The following DSC3 variants were observed in gnomAD, a reference collection of about 807,000 sequenced individuals.
DSC3 encodes desmocollin 3.
Under a neutral mutation model 89.5 loss-of-function variants are expected in DSC3, and 97 were observed. That is an observed-to-expected ratio of 1.08 (90% CI 0.92 to 1.28). The LOEUF (loss-of-function observed/expected upper bound fraction) is 1.28. DSC3 is among the 50% of genes most tolerant of loss of function. The probability of loss-of-function intolerance (pLI) is 0.00; values close to 1 mark genes in which losing one functional copy is unlikely to be tolerated. For missense variants in DSC3, 1,199 were observed against 1,085.3 expected, an observed-to-expected ratio of 1.10 and a Z score of -1.47; for synonymous variants, 436 against 384.1, an observed-to-expected ratio of 1.14 and a Z score of -1.58.
At chr18:31,016,389 T>G (rs1985237890) in intron 9 of DSC3, among the ~76,000 whole-genome samples, 1 of 152,190 alleles carries the variant, frequency 6.6e-6, no homozygotes. Flanking sequence ...GCCCCAATTT[T>G]GGGATTTGCC....
intron 12 of DSC3, 61 bp from the exon 13 acceptor site, chr18:31,004,427 T>A: frequency 6.7e-7 from 1 of 1,485,222 alleles, no homozygotes; most frequent in Non-Finnish European, 9.2e-7. Context: ...TTAGCATTTG[T>A]TTCATCACGC....
intron 3 of DSC3, 149 bp downstream of exon 3, chr18:31,030,824 G>A: frequency 1.4e-6 from 1 of 732,742 alleles, no homozygotes; most frequent in East Asian, 2.7e-5. Context: ...AAGGAAAAGG[G>A]TAAGAAAATG....
chr18:31,019,750 C>T (rs11876584), intron 7 of DSC3, among the ~76,000 whole-genome samples: 2,395 of 112,396 alleles, frequency 0.021, 56 homozygotes, highest in African/African-American at 0.08. Flanking sequence ...ATGATCATGC[C>T]ACAGCATGCA....
intron 9 of DSC3, among the ~76,000 whole-genome samples, chr18:31,011,812 G>A (rs1985070461): frequency 6.6e-6 from 1 of 151,780 alleles, no homozygotes; most frequent in African/African-American, 2.4e-5. Flanking sequence ...GGGCAACACG[G>A]TGAAACCCCA....
rs901718004 is a variant in DSC3, at chr18:30,991,198, T to C, written c.*2977A>G. On this transcript the variant is annotated 3_prime_UTR_variant, in exon 16 of 16. Coordinates refer to ENST00000360428, the MANE Select transcript of DSC3 (RefSeq NM_001941.5). Reference sequence around the variant, plus strand: ...TCTTTTAATAGCAATACTAAAACTCTGTTTAAAACATTGCAAAACAAACCC... The same window carrying C: ...TCTTTTAATAGCAATACTAAAACTCCGTTTAAAACATTGCAAAACAAACCC... 6.6e-6 allele frequency: 1 copy of C among 152,658 alleles called. No homozygotes were observed. Among genetic ancestry groups the C allele is most frequent in the Admixed American group, 6.5e-5 (1 of 15,286 alleles). The allele number at this position is 152,658 out of a possible 1,614,324, so 9.5% of individuals were successfully genotyped here. A position where few individuals can be genotyped will look rare whatever the true frequency, so the allele number is the denominator to read the frequency against.
At chr18:30,994,665 G>C (rs576732338) in intron 15 of DSC3, among the ~76,000 whole-genome samples, 91 of 152,180 alleles carry the variant, frequency 6.0e-4, no homozygotes, top group African/African-American at 2.0e-3. Flanking sequence ...TATACACAGA[G>C]GTCAGTCTAG....
chr18:31,001,930 A>G lies in DSC3; in HGVS notation c.2114-191T>C, dbSNP rs1984678523. Among the ~76,000 whole-genome samples, 3 of 152,300 alleles carry G rather than the reference A, an allele frequency of 2.0e-5. No homozygotes were observed. The South Asian group carries it at 6.2e-4, about 32-fold the overall frequency. ...TTAGGTTTTAGAATCAGAAGCAATC[A>G]TCTGTATTTTTTCATTATATCTCAC... On this transcript the variant is annotated intron_variant, in intron 13 of 15. Transcript: ENST00000360428.
At chr18:31,000,959 C>T (rs1246222673) in intron 14 of DSC3, among the ~76,000 whole-genome samples, 2 of 150,264 alleles carry the variant, frequency 1.3e-5, no homozygotes, top group African/African-American at 2.4e-5. Flanking sequence ...AAGAACATGC[C>T]TTGTAAGTAC....
At position 31,029,522 on chromosome 18, in the gene DSC3, A is replaced by G. The variant is rs1985709698; in HGVS notation, c.461T>C (p.Leu154Ser). The change falls in exon 4 of 16, where the codon TTG (leucine) becomes TCG (serine). Residue 154 changes from leucine (L) to serine (S), a missense_variant. Leu to Ser is a moderately radical substitution (Grantham distance 145). Transcript: ENST00000360428. ...GTGTAAACCTACTTGTTGAAGAAAC[A>G]ATGGGAAAGGGCCCAAGGAATTCTC... ...MQENSLGPFP[L>S]FLQQVESDAA... The G allele has an allele frequency of 1.2e-6, 2 of 1,613,744 alleles. No homozygotes were observed. Among genetic ancestry groups the G allele is most frequent in the African/African-American group, 2.7e-5 (2 of 74,948 alleles).
chr18:31,038,332 A>C (rs566432788), intron 1 of DSC3, among the ~76,000 whole-genome samples: 1 of 152,350 alleles, frequency 6.6e-6, no homozygotes, highest in South Asian at 2.1e-4. Flanking sequence ...GTGGATCTAA[A>C]GAAGTGTGTG....
chr18:31,000,316 T>C (rs1415924784), intron 14 of DSC3, among the ~76,000 whole-genome samples: 2 of 152,276 alleles, frequency 1.3e-5, no homozygotes, highest in Admixed American at 1.3e-4. Flanking sequence ...TTCTTATTCA[T>C]CCCTATCTTA....
intron 3 of DSC3, among the ~76,000 whole-genome samples, chr18:31,029,887 A>G (rs1269824200): frequency 6.6e-6 from 1 of 152,228 alleles, no homozygotes; most frequent in Non-Finnish European, 1.5e-5. Flanking sequence ...TCATGTTAGG[A>G]AAATCACCAC....
At chr18:31,006,808 T>G in intron 12 of DSC3, 99 bp downstream of exon 12, 1 of 929,676 alleles carries the variant, frequency 1.1e-6, no homozygotes. Context: ...TTAATGAGAC[T>G]CAGTTTTACT....
chr18:31,036,096 C>T (rs1049014233), intron 1 of DSC3, among the ~76,000 whole-genome samples: 1 of 152,104 alleles, frequency 6.6e-6, no homozygotes, highest in African/African-American at 2.4e-5. Context: ...GTGCCTAAAG[C>T]GGAAATTACT....
intron 15 of DSC3, 27 bp from the exon 16 acceptor site, chr18:30,994,399 G>C: frequency 6.2e-7 from 1 of 1,606,364 alleles, no homozygotes. Flanking sequence ...AAAATGAATT[G>C]CATTATAGTT....
intron 14 of DSC3, among the ~76,000 whole-genome samples, chr18:30,997,413 AG>A (rs1223619641): frequency 1.3e-5 from 2 of 152,128 alleles, no homozygotes; most frequent in Non-Finnish European, 2.9e-5. Context: ...GAGGAGCAAC[AG>A]GGGGCTGAAC....
chr18:30,995,808 C>CA (rs1401224594), intron 15 of DSC3, among the ~76,000 whole-genome samples: 1 of 151,236 alleles, frequency 6.6e-6, no homozygotes, highest in Admixed American at 6.6e-5. Flanking sequence ...ACCTTCTCCA[C>CA]AAAAAATACA....
rs1424233132 is a variant in DSC3 at position 31,018,069 on chromosome 18, A to T, written c.1263+2T>A. 1 of 1,610,354 alleles carries T rather than the reference A, an allele frequency of 6.2e-7. No individual in the cohort carries two copies. Among genetic ancestry groups the T allele is most frequent in the African/African-American group, 1.3e-5 (1 of 74,848 alleles). On this transcript the variant is annotated splice_donor_variant, in intron 9 of 15. Transcript: ENST00000360428. LOFTEE classifies it high-confidence loss of function. ...TAAGTTGTCAATTATACATTACTGT[A>T]CCTTTACAACAGAAAGAACACCTTC...
chr18:31,024,080 T>G (rs995881573), intron 6 of DSC3, among the ~76,000 whole-genome samples: 1 of 152,138 alleles, frequency 6.6e-6, no homozygotes, highest in Non-Finnish European at 1.5e-5. Flanking sequence ...AAATAAAATA[T>G]ATAAACTGAA....
Sources: gnomAD v4.1 joint callset for allele counts (sites outside exome capture counted in the v4.1 genomes callset) on GRCh38, gnomAD v4.1.1 for gene constraint, MANE v1.5 for transcripts, NCBI Gene and HGNC (gene_info 2026-07-23, HGNC 2026-07-21) for gene names.